The following DSE variants were observed in gnomAD, a reference collection of about 807,000 sequenced individuals.
DSE encodes dermatan sulfate epimerase.
DSE carries 36 observed loss-of-function variants against 84.4 expected under a neutral mutation model. The ratio of observed to expected loss-of-function variants is 0.43; its 90% CI spans 0.33 to 0.56. The LOEUF (loss-of-function observed/expected upper bound fraction) is 0.56, where lower values mean the gene tolerates loss of function less well. Ranked by LOEUF, DSE falls within the 20% of genes least tolerant of loss-of-function variation. The probability of loss-of-function intolerance (pLI) is 0.06; values close to 1 mark genes in which losing one functional copy is unlikely to be tolerated. For synonymous variants in DSE, 410 were observed against 430.1 expected (o/e 0.95, Z 0.58); for missense variants, 862 against 1,169.6 (o/e 0.74, Z 3.84).
chr6:116,256,606 T>C (rs1266999002), intron 1 of DSE: 1 of 152,212 alleles, frequency 6.6e-6, no homozygotes, highest in Non-Finnish European at 1.5e-5. Flanking sequence ...CCCAGCTAGA[T>C]AATGACTGCA....
At chr6:116,353,065 T>C (rs1778397498) in intron 2 of DSE, among the ~76,000 whole-genome samples, 1 of 152,238 alleles carries the variant, frequency 6.6e-6, no homozygotes, top group Admixed American at 6.5e-5. Context: ...GTGGTTGGGC[T>C]TCCCCACTAC....
At chr6:116,327,212 T>C (rs555525386) in intron 2 of DSE, among the ~76,000 whole-genome samples, 1 of 152,232 alleles carries the variant, frequency 6.6e-6, no homozygotes, top group Non-Finnish European at 1.5e-5. Flanking sequence ...TTTTATTCAG[T>C]TACTTAGTTA....
intron 2 of DSE, among the ~76,000 whole-genome samples, chr6:116,261,136 G>GC (rs1772394922): frequency 6.6e-6 from 1 of 151,814 alleles, no homozygotes. Context: ...TTTCCTTTAT[G>GC]CATCTCCGAT....
intron 2 of DSE, among the ~76,000 whole-genome samples, chr6:116,359,348 T>C (rs557880705): frequency 4.6e-5 from 7 of 152,242 alleles, no homozygotes; most frequent in African/African-American, 1.7e-4. Flanking sequence ...CTTTCACAAC[T>C]TCCTCCTTCT....
intron 1 of DSE, among the ~76,000 whole-genome samples, chr6:116,381,218 C>T (rs770878467): frequency 1.3e-4 from 20 of 151,794 alleles, no homozygotes; most frequent in Non-Finnish European, 2.5e-4. Flanking sequence ...GAAAGTACCA[C>T]GTTGGATGTG....
chr6:116,360,174 A>G (rs188387763), intron 2 of DSE, among the ~76,000 whole-genome samples: 1 of 152,142 alleles, frequency 6.6e-6, no homozygotes, highest in African/African-American at 2.4e-5. Context: ...GGAGGAGAAC[A>G]ACACACACTG....
chr6:116,404,993 T>G, intron 2 of DSE, among the ~76,000 whole-genome samples: 1 of 151,824 alleles, frequency 6.6e-6, no homozygotes. Flanking sequence ...TGTGTTTTTT[T>G]TTTTTTTTTG....
intron 2 of DSE, among the ~76,000 whole-genome samples, chr6:116,268,288 T>C (rs1451199056): frequency 6.6e-6 from 1 of 152,220 alleles, no homozygotes; most frequent in East Asian, 1.9e-4. Flanking sequence ...CTATTGCTTA[T>C]AGAATTCAGT....
At chr6:116,416,004 C>T (rs1367492002) in intron 2 of DSE, among the ~76,000 whole-genome samples, 3 of 152,204 alleles carry the variant, frequency 2.0e-5, no homozygotes, top group Non-Finnish European at 4.4e-5. Context: ...ATTCTGGAAG[C>T]TCTAGGGCAG....
rs138569519 is a variant in DSE, at chr6:116,442,373, G to C, written c.*5028G>C. ...TAAGTAGTAGGAAGCGGGTCCAGGAGGTTGTTTTAGCCATGTTAAGTTTAA... is the reference window on the plus strand; with the variant it reads ...TAAGTAGTAGGAAGCGGGTCCAGGACGTTGTTTTAGCCATGTTAAGTTTAA... On this transcript the variant is annotated 3_prime_UTR_variant, in exon 6 of 6. Coordinates refer to ENST00000644252, the MANE Select transcript of DSE (RefSeq NM_013352.4). 148 of 152,256 alleles carry C rather than the reference G, an allele frequency of 9.7e-4. No homozygotes were observed. The Middle Eastern group carries it at 0.01, about 10-fold the overall frequency. 9.4% of individuals were successfully genotyped at this position (152,256 alleles called of 1,614,324 possible).
At chr6:116,287,837 T>G (rs1371371057) in intron 2 of DSE, among the ~76,000 whole-genome samples, 1 of 152,128 alleles carries the variant, frequency 6.6e-6, no homozygotes, top group Non-Finnish European at 1.5e-5. Context: ...TTGTCACTTT[T>G]AAATACTGCT....
upstream of DSE, chr6:116,366,151 C>A (rs1027020087): frequency 6.6e-6 from 1 of 152,214 alleles, no homozygotes; most frequent in African/African-American, 2.4e-5. Flanking sequence ...ATATCAAAAT[C>A]CTACTGATGA....
intron 1 of DSE, among the ~76,000 whole-genome samples, chr6:116,395,789 A>G (rs1189106402): frequency 6.6e-6 from 1 of 152,176 alleles, no homozygotes; most frequent in East Asian, 1.9e-4. Flanking sequence ...GAGCACACAC[A>G]ATGTCTAGAG....
chr6:116,440,146 TAATG>T lies in DSE; in HGVS notation c.*2805_*2808del, dbSNP rs1784382119. 1 of 152,164 alleles carries T rather than the reference TAATG, an allele frequency of 6.6e-6. No homozygotes were observed. 9.4% of individuals were successfully genotyped at this position (152,164 alleles called of 1,614,324 possible). A position where few individuals can be genotyped will look rare whatever the true frequency, so the allele number is the denominator to read the frequency against. On this transcript the variant is annotated 3_prime_UTR_variant, in exon 6 of 6. Coordinates refer to ENST00000644252, the MANE Select transcript of DSE (RefSeq NM_013352.4). ...AATTGTTAAAATGTATCACCTAAGA[TAATG>T]AATTCTTCCACAAATATTTTAGTCA...
At chr6:116,380,160 G>A (rs1780138085) in intron 1 of DSE, among the ~76,000 whole-genome samples, 1 of 152,050 alleles carries the variant, frequency 6.6e-6, no homozygotes, top group Non-Finnish European at 1.5e-5. Context: ...TTTTGAACTT[G>A]GAGAGTCAGA....
intron 2 of DSE, among the ~76,000 whole-genome samples, chr6:116,321,287 T>G (rs9488902): frequency 7.1e-6 from 1 of 140,402 alleles, no homozygotes; most frequent in Non-Finnish European, 1.5e-5. Flanking sequence ...GATCCTCCTC[T>G]TGAGTAGCTG....
chr6:116,396,008 C>T (rs473484), intron 1 of DSE, among the ~76,000 whole-genome samples: 25,940 of 152,090 alleles, frequency 0.17, 2,500 homozygotes, highest in African/African-American at 0.26. Flanking sequence ...AGGCTTCATA[C>T]GTGTTTTCTC....
At chr6:116,278,775 A>G in intron 2 of DSE, 1 of 1,614,220 alleles carries the variant, frequency 6.2e-7, no homozygotes. Context: ...TAATTGGAGT[A>G]GAAAGAGACA....
intron 2 of DSE, among the ~76,000 whole-genome samples, chr6:116,343,017 G>T (rs1777707803): frequency 6.6e-6 from 1 of 152,110 alleles, no homozygotes; most frequent in African/African-American, 2.4e-5. Context: ...TGGCTCCGAG[G>T]GTCCCACGCC....
Sources: allele counts gnomAD v4.1 joint callset (sites outside exome capture counted in the v4.1 genomes callset), GRCh38; gene constraint gnomAD v4.1.1; transcripts MANE v1.5; gene names NCBI Gene and HGNC (gene_info 2026-07-23, HGNC 2026-07-21).